Variants in SIRT4 observed in about 807,000 individuals in gnomAD.
SIRT4 encodes sirtuin 4, also known as NAD-dependent protein lipoamidase sirtuin-4, mitochondrial.
Under a neutral mutation model 26.1 loss-of-function variants are expected in SIRT4, and 23 were observed. The ratio of observed to expected loss-of-function variants is 0.88; its 90% CI spans 0.63 to 1.25. The LOEUF (loss-of-function observed/expected upper bound fraction) is 1.25, where lower values mean the gene tolerates loss of function less well. SIRT4 is among the 50% of genes most tolerant of loss of function. SIRT4 has a pLI of 0.00. For synonymous variants in SIRT4, 155 were observed against 158.4 expected (o/e 0.98, Z 0.16); for missense variants, 361 against 405.4 (o/e 0.89, Z 0.94).
At chr12:120,295,811 G>A in the SIRT4 span, among the ~76,000 whole-genome samples, 16 of 151,634 alleles carry the variant, frequency 1.1e-4, no homozygotes, top group East Asian at 3.1e-3. Flanking sequence ...TAATCCCAAC[G>A]CTTTGGGAGG....
upstream of SIRT4, among the ~76,000 whole-genome samples, chr12:120,298,302 C>T (rs1241934109): frequency 1.3e-5 from 2 of 151,836 alleles, no homozygotes; most frequent in African/African-American, 2.4e-5. Flanking sequence ...GCTACTACTC[C>T]CTGTGTACTA....
At chr12:120,292,858 G>GTCAACACCGCCCTGCTT in the SIRT4 span, among the ~76,000 whole-genome samples, 1 of 152,146 alleles carries the variant, frequency 6.6e-6, no homozygotes, top group Non-Finnish European at 1.5e-5. Flanking sequence ...GGCAAGAAAA[G>GTCAACACCGCCCTGCTT]TCAACACCGC....
chr12:120,301,080 C>T (rs950743497), upstream of SIRT4, among the ~76,000 whole-genome samples: 5 of 152,200 alleles, frequency 3.3e-5, no homozygotes, highest in African/African-American at 4.8e-5. Flanking sequence ...GGCACAGTGG[C>T]TTACGCCTGT....
chr12:120,292,579 G>C, the SIRT4 span, among the ~76,000 whole-genome samples: 1 of 152,200 alleles, frequency 6.6e-6, no homozygotes, highest in African/African-American at 2.4e-5. Context: ...TCCAGCCTGA[G>C]CGACAGACTT....
intron 2 of SIRT4, among the ~76,000 whole-genome samples, chr12:120,309,251 AAAAGT>A (rs993249036): frequency 1.3e-5 from 2 of 152,212 alleles, no homozygotes; most frequent in African/African-American, 2.4e-5. Context: ...CAAACTTCAC[AAAAGT>A]AAAGAGAATT....
chr12:120,303,998 A>G lies in SIRT4; in HGVS notation c.437A>G (p.Asp146Gly). 1 of 1,613,982 alleles carries G rather than the reference A, an allele frequency of 6.2e-7. No homozygotes were observed. Among genetic ancestry groups the G allele is most frequent in the Non-Finnish European group, 8.5e-7 (1 of 1,180,034 alleles). ...TACTGGTTGGTGACCCAAAATGTGGATGCTTTGCACACCAAGGCGGGGAGT... is the reference window on the plus strand; with the variant it reads ...TACTGGTTGGTGACCCAAAATGTGGGTGCTTTGCACACCAAGGCGGGGAGT... ...KLYWLVTQNV[D>G]ALHTKAGSRR... Residue 146 changes from aspartate to glycine, a missense_variant, in exon 2 of 4, where the codon GAT (aspartate) becomes GGT (glycine). Asp to Gly is a moderately conservative substitution (Grantham distance 94). Transcript: ENST00000202967.
chr12:120,299,222 A>AAAAT (rs34606459), upstream of SIRT4, among the ~76,000 whole-genome samples: 100,825 of 143,450 alleles, frequency 0.7, 36,220 homozygotes, highest in East Asian at 0.87. Flanking sequence ...CTCCGTCTCA[A>AAAAT]AAATAAATAA....
intron 2 of SIRT4, among the ~76,000 whole-genome samples, chr12:120,311,091 G>C (rs1872949997): frequency 6.7e-6 from 1 of 148,484 alleles, no homozygotes; most frequent in Non-Finnish European, 1.5e-5. Flanking sequence ...GGGCGCAGTG[G>C]CTCATGCCTG....
At chr12:120,307,479 A>T (rs1872785070) in intron 2 of SIRT4, among the ~76,000 whole-genome samples, 2 of 151,946 alleles carry the variant, frequency 1.3e-5, no homozygotes, top group Non-Finnish European at 2.9e-5. Context: ...ACAGAGGGAG[A>T]TTGTCTCAAA....
chr12:120,301,155 G>T (rs1305900946), upstream of SIRT4, among the ~76,000 whole-genome samples: 1 of 152,096 alleles, frequency 6.6e-6, no homozygotes, highest in Non-Finnish European at 1.5e-5. Flanking sequence ...GACCATCCTG[G>T]CTAACATGGT....
At chr12:120,295,384 TTA>T in the SIRT4 span, among the ~76,000 whole-genome samples, 1 of 146,100 alleles carries the variant, frequency 6.8e-6, no homozygotes, top group Non-Finnish European at 1.5e-5. Flanking sequence ...CTGGCTAATT[TTA>T]TATATATATA....
At chr12:120,303,300 T>C (rs1872611386) in intron 1 of SIRT4, among the ~76,000 whole-genome samples, 1 of 151,100 alleles carries the variant, frequency 6.6e-6, no homozygotes, top group South Asian at 2.1e-4. Context: ...GCCAACATGG[T>C]GAAACCCTGC....
chr12:120,293,221 T>A, the SIRT4 span: 1 of 152,204 alleles, frequency 6.6e-6, no homozygotes, highest in South Asian at 2.1e-4. Context: ...GCTACGATAC[T>A]GCCACTGCGC....
intron 2 of SIRT4, among the ~76,000 whole-genome samples, chr12:120,311,523 G>C (rs1260153286): frequency 6.6e-6 from 1 of 150,424 alleles, no homozygotes; most frequent in Non-Finnish European, 1.5e-5. Flanking sequence ...CCTGAGGTCG[G>C]GAGTTTGAGA....
intron 2 of SIRT4, among the ~76,000 whole-genome samples, chr12:120,307,817 C>G (rs954955016): frequency 3.7e-4 from 57 of 152,120 alleles, no homozygotes; most frequent in African/African-American, 1.3e-3. Flanking sequence ...GAAATCGCAC[C>G]ATTGCACTCC....
At chr12:120,302,033 CA>C (rs34360814), upstream of SIRT4, among the ~76,000 whole-genome samples, 8,207 of 95,052 alleles carry the variant, frequency 0.086, 300 homozygotes, top group Admixed American at 0.22. Context: ...GGAGTTTTTT[CA>C]AAAAAAAAAA....
upstream of SIRT4, among the ~76,000 whole-genome samples, chr12:120,299,207 C>A (rs1006773022): frequency 5.5e-5 from 8 of 146,536 alleles, no homozygotes; most frequent in African/African-American, 2.0e-4. Flanking sequence ...GGCGACAGAG[C>A]GAGACTCCGT....
At chr12:120,301,010 A>G (rs1366958137), upstream of SIRT4, among the ~76,000 whole-genome samples, 1 of 152,206 alleles carries the variant, frequency 6.6e-6, no homozygotes, top group East Asian at 1.9e-4. Context: ...GGTTAAGTAC[A>G]TTAGTCCAGG....
At chr12:120,292,491 C>T in the SIRT4 span, among the ~76,000 whole-genome samples, 1 of 152,176 alleles carries the variant, frequency 6.6e-6, no homozygotes, top group East Asian at 1.9e-4. Context: ...GTAATCCCAG[C>T]TAGTCGGGAG....
Sources: gnomAD v4.1 joint callset for allele counts (sites outside exome capture counted in the v4.1 genomes callset) on GRCh38, gnomAD v4.1.1 for gene constraint, MANE v1.5 for transcripts, NCBI Gene and HGNC (gene_info 2026-07-23, HGNC 2026-07-21) for gene names.